Variants in NONO observed in about 807,000 individuals in gnomAD.
NONO encodes the protein non-POU domain-containing octamer-binding protein.
Under a neutral mutation model 40.2 loss-of-function variants are expected in NONO, and 6 were observed. That is an observed-to-expected ratio of 0.15 (90% CI 0.08 to 0.29). The LOEUF (loss-of-function observed/expected upper bound fraction) is 0.29, where lower values mean the gene tolerates loss of function less well. Among genes scored for constraint, NONO ranks in the 10% least tolerant of loss-of-function variants. NONO has a pLI of 1.00. For synonymous variants in NONO, 89 were observed against 123.3 expected (o/e 0.72, Z 1.85); for missense variants, 133 against 397.8 (o/e 0.33, Z 5.66).
At chrX:71,292,148 A>C (rs777149810) in intron 4 of NONO, 176 bp downstream of exon 4, 3 of 369,192 alleles carry the variant, frequency 8.1e-6, no homozygotes, top group Non-Finnish European at 9.0e-6. Flanking sequence ...TTTTGTTTCA[A>C]GGATAACAAG....
intron 11 of NONO, 80 bp from the exon 12 acceptor site, chrX:71,299,862 C>T (rs1422248354): frequency 2.7e-6 from 3 of 1,121,363 alleles, no homozygotes; most frequent in Non-Finnish European, 3.6e-6. Flanking sequence ...TGGAAATAGC[C>T]TCCAGTGGAG....
intron 5 of NONO, among the ~76,000 whole-genome samples, chrX:71,295,942 A>G (rs904534511): frequency 4.5e-5 from 5 of 111,149 alleles, no homozygotes; most frequent in African/African-American, 1.6e-4. Flanking sequence ...TACTTTGAAG[A>G]TTTAGAGTTC....
At chrX:71,293,675 A>G (rs1318840346) in intron 4 of NONO, among the ~76,000 whole-genome samples, 1 of 109,671 alleles carries the variant, frequency 9.1e-6, no homozygotes, top group East Asian at 3.0e-4. Flanking sequence ...TTTGTTGCCC[A>G]TGCTGGAGTG....
chrX:71,292,517 T>C (rs1279905896), intron 4 of NONO: 1 of 112,279 alleles, frequency 8.9e-6, no homozygotes, highest in Non-Finnish European at 1.9e-5. Context: ...TTGTTTTAAT[T>C]AGGAAATTTC....
Position 71,296,926 on chromosome X carries a change from C to T in NONO, c.822C>T (p.Leu274=). The change falls in exon 7 of 12, where the codon CTC becomes CTT. Residue 274 remains leucine, a synonymous_variant. Coordinates refer to ENST00000276079, the MANE Select transcript of NONO (RefSeq NM_007363.5). The stretch of plus-strand genomic sequence containing the variant: ...AATATGCCATGCGCTGGAAGGCACT[C>T]ATTGAGATGGAGAAGCAGCAGCAGG... The part of the protein sequence containing the change: ...EYEYAMRWKA[L]IEMEKQQQDQ... The T allele has an allele frequency of 8.3e-7, 1 of 1,210,118 alleles. No individual in the cohort carries two copies. The highest frequency in any genetic ancestry group is 1.1e-6 in the Non-Finnish European group (1 of 894,438).
chrX:71,290,647 A>G lies in NONO; in HGVS notation c.10A>G (p.Asn4Asp). MQS[N>D]KTFNLEKQNH... ...TTTGTAGGGTGCAAAAATGCAGAGT[A>G]ATAAAACTTTTAACTTGGAGAAGCA... Residue 4 changes from asparagine to aspartate, a missense_variant, in exon 3 of 12, where the codon AAT (asparagine) becomes GAT (aspartate). Transcript: ENST00000276079. 1 of 1,209,978 alleles carries G rather than the reference A, an allele frequency of 8.3e-7. No homozygotes were observed. The highest frequency in any genetic ancestry group is 1.1e-6 in the Non-Finnish European group (1 of 894,427).
intron 2 of NONO, among the ~76,000 whole-genome samples, chrX:71,285,492 C>T (rs1361323934): frequency 9.0e-6 from 1 of 111,103 alleles, no homozygotes; most frequent in African/African-American, 3.3e-5. Flanking sequence ...AGAATTTATC[C>T]TATGGAAATA....
intron 2 of NONO, among the ~76,000 whole-genome samples, chrX:71,289,199 C>G (rs184750630): frequency 8.9e-6 from 1 of 112,192 alleles, no homozygotes; most frequent in African/African-American, 3.2e-5. Context: ...GCAAACAGTT[C>G]TCATCCAGTA....
chrX:71,284,720 C>A (rs2031151198), intron 2 of NONO, among the ~76,000 whole-genome samples: 1 of 111,964 alleles, frequency 8.9e-6, no homozygotes. Flanking sequence ...GACCTTAGTT[C>A]ATTTTACAGC....
intron 2 of NONO, among the ~76,000 whole-genome samples, chrX:71,288,320 C>G (rs2031247392): frequency 9.1e-6 from 1 of 109,470 alleles, no homozygotes; most frequent in Admixed American, 9.8e-5. Context: ...AGGCTGGTCT[C>G]TAACTACTGG....
At chrX:71,295,861 G>A (rs2148037735) in intron 5 of NONO, among the ~76,000 whole-genome samples, 1 of 112,095 alleles carries the variant, frequency 8.9e-6, no homozygotes, top group Non-Finnish European at 1.9e-5. Context: ...ATAGACGTGG[G>A]ATGACGATTA....
chrX:71,289,999 C>T (rs1185538874), intron 2 of NONO, among the ~76,000 whole-genome samples: 1 of 110,948 alleles, frequency 9.0e-6, no homozygotes, highest in African/African-American at 3.3e-5. Context: ...GAACCCCTGA[C>T]CTGGTGATCC....
rs772842230 is a variant in NONO at position 71,300,965 on chromosome X, C to T, written c.*889C>T. 2 of 157,142 alleles carry T rather than the reference C, an allele frequency of 1.3e-5. No individual in the cohort carries two copies. Among genetic ancestry groups the T allele is most frequent in the South Asian group, 3.4e-4 (1 of 2,978 alleles). The allele number at this position is 157,142 out of a possible 1,213,427, so 13.0% of individuals were successfully genotyped here. Reference sequence around the variant, plus strand: ...GCTGTTCACAGCTTTTCTTGATAGGCCTAGTACAATCTTGGGAACAGGGTT... The same window carrying T: ...GCTGTTCACAGCTTTTCTTGATAGGTCTAGTACAATCTTGGGAACAGGGTT... On this transcript the variant is annotated 3_prime_UTR_variant, in exon 12 of 12. Transcript: ENST00000276079.
intron 2 of NONO, among the ~76,000 whole-genome samples, chrX:71,289,725 C>T (rs2031281579): frequency 8.9e-6 from 1 of 111,754 alleles, no homozygotes. Flanking sequence ...CTCCAGCCTC[C>T]TGAGTAGCTG....
At chrX:71,286,584 T>C (rs959592925) in intron 2 of NONO, among the ~76,000 whole-genome samples, 3 of 111,947 alleles carry the variant, frequency 2.7e-5, no homozygotes, top group Non-Finnish European at 5.6e-5. Flanking sequence ...CTTGTCTATA[T>C]TCACATCTTT....
At chrX:71,290,875 TA>T in intron 3 of NONO, 84 bp downstream of exon 3, 13 of 1,004,263 alleles carry the variant, frequency 1.3e-5, no homozygotes, top group Non-Finnish European at 1.7e-5. Context: ...CTCGGGCTTA[TA>T]AGGGAATAGG....
In NONO at chrX:71,300,497, A is replaced by G. The variant is rs1475076747; in HGVS notation, c.*421A>G. 26 of 211,167 alleles carry G rather than the reference A, an allele frequency of 1.2e-4. No homozygotes were observed. In the East Asian group the frequency reaches 1.9e-3, roughly 15 times the overall value. The allele number at this position is 211,167 out of a possible 1,213,427, so 17.4% of individuals were successfully genotyped here. On this transcript the variant is annotated 3_prime_UTR_variant, in exon 12 of 12. Coordinates refer to ENST00000276079, the MANE Select transcript of NONO (RefSeq NM_007363.5). ...AGTGGCATGATCTCGGCTCACTGCA[A>G]TCTCTGCCTCCCGGGTTCAAGCTTG... is the stretch of plus-strand genomic sequence containing the variant.
chrX:71,296,541 A>G (rs1297419523), intron 5 of NONO, 24 bp from the exon 6 acceptor site: 1 of 1,104,707 alleles, frequency 9.1e-7, no homozygotes, highest in Non-Finnish European at 1.2e-6. Flanking sequence ...TTTGATTAAC[A>G]CTGAACTTTG....
At chrX:71,290,043 A>C (rs970798282) in intron 2 of NONO, among the ~76,000 whole-genome samples, 6 of 111,361 alleles carry the variant, frequency 5.4e-5, no homozygotes, top group Non-Finnish European at 7.5e-5. Flanking sequence ...CTAGGATTAC[A>C]GTCTTGAGCC....
Sources: allele counts gnomAD v4.1 joint callset (sites outside exome capture counted in the v4.1 genomes callset), GRCh38; gene constraint gnomAD v4.1.1; transcripts MANE v1.5; gene names NCBI Gene and HGNC (gene_info 2026-07-23, HGNC 2026-07-21).